Variants in SLK observed in about 807,000 individuals in gnomAD.
The protein encoded by SLK is STE20 like kinase.
In SLK, 67 loss-of-function variants were observed where a neutral mutation model predicts 147.7. The observed-to-expected ratio is 0.45, with a 90% CI of 0.37 to 0.56. The LOEUF (loss-of-function observed/expected upper bound fraction) is 0.56, where lower values mean the gene tolerates loss of function less well. SLK is among the 20% of genes least tolerant of loss of function. SLK has a pLI of 0.00. For missense variants in SLK, 1,136 were observed against 1,438.8 expected (o/e 0.79, Z 3.41); for synonymous variants, 441 against 475.0 (o/e 0.93, Z 0.93).
At position 104,018,305 on chromosome 10, in the gene SLK, T is replaced by C; in HGVS notation, c.3007+16T>C. 3.1e-6 allele frequency: 5 copies of C among 1,593,442 alleles called. No homozygotes were observed. Among genetic ancestry groups the C allele is most frequent in the Non-Finnish European group, 4.3e-6 (5 of 1,173,340 alleles). ...CTCATGAGAGGTAATTTTTTTAAAATTAAGAAATACTGCAAAATGTAGAAT... is the reference window on the plus strand; with the variant it reads ...CTCATGAGAGGTAATTTTTTTAAAACTAAGAAATACTGCAAAATGTAGAAT... On this transcript the variant is annotated intron_variant, in intron 14 of 18. Transcript: ENST00000369755.
At chr10:103,996,415 T>G (rs78551376) in intron 4 of SLK, among the ~76,000 whole-genome samples, 1 of 150,016 alleles carries the variant, frequency 6.7e-6, no homozygotes, top group Non-Finnish European at 1.5e-5. Context: ...TTTTTTTTTT[T>G]TGAGACGGAG....
intron 1 of SLK, among the ~76,000 whole-genome samples, chr10:103,976,267 C>T (rs1020438775): frequency 1.4e-4 from 21 of 152,042 alleles, no homozygotes; most frequent in African/African-American, 4.8e-4. Context: ...TTTTGGTGCA[C>T]ATGTGCCATT....
chr10:104,009,354 T>C (rs1844370270), intron 12 of SLK, among the ~76,000 whole-genome samples: 2 of 152,106 alleles, frequency 1.3e-5, no homozygotes, highest in Non-Finnish European at 2.9e-5. Context: ...AACATTTAAA[T>C]TGAGAAGAAA....
chr10:103,992,557 T>C (rs962009247), intron 2 of SLK, 41 bp from the exon 3 acceptor site: 18 of 1,541,540 alleles, frequency 1.2e-5, no homozygotes, highest in African/African-American at 1.1e-4. Context: ...AAACTCCATG[T>C]AGTTTTAGAC....
At chr10:104,011,855 C>T (rs192311640) in intron 13 of SLK, among the ~76,000 whole-genome samples, 24 of 152,292 alleles carry the variant, frequency 1.6e-4, no homozygotes, top group East Asian at 9.7e-4. Context: ...CCACCACCAC[C>T]GGCTTGGTGA....
intron 1 of SLK, among the ~76,000 whole-genome samples, chr10:103,976,746 C>T (rs541739333): frequency 6.6e-6 from 1 of 152,294 alleles, no homozygotes. Context: ...GCCTATTTTG[C>T]AGTCTGTCTC....
intron 7 of SLK, among the ~76,000 whole-genome samples, chr10:104,000,383 A>G (rs77610833): frequency 4.6e-5 from 7 of 152,350 alleles, no homozygotes; most frequent in East Asian, 3.9e-4. Context: ...AAAATTGTCA[A>G]TTTTATAGGT....
chr10:104,003,845 A>G (rs1844288532), intron 9 of SLK, among the ~76,000 whole-genome samples: 1 of 152,178 alleles, frequency 6.6e-6, no homozygotes, highest in Non-Finnish European at 1.5e-5. Flanking sequence ...GTATGAGAGA[A>G]TTAGAAATTG....
chr10:104,016,857 T>C (rs1844471823), intron 13 of SLK, among the ~76,000 whole-genome samples: 1 of 151,984 alleles, frequency 6.6e-6, no homozygotes, highest in South Asian at 2.1e-4. Context: ...GCATCTTAGG[T>C]TTTGATGTTC....
intron 1 of SLK, among the ~76,000 whole-genome samples, chr10:103,984,041 G>A (rs1019756483): frequency 5.3e-5 from 8 of 152,164 alleles, no homozygotes; most frequent in African/African-American, 1.9e-4. Context: ...TTTTCAGTTG[G>A]CAACAGAGTT....
intron 1 of SLK, among the ~76,000 whole-genome samples, chr10:103,980,205 G>T (rs923393549): frequency 6.6e-6 from 1 of 151,648 alleles, no homozygotes; most frequent in Non-Finnish European, 1.5e-5. Context: ...AAATTTTTAG[G>T]AGAATTGTTA....
intron 4 of SLK, among the ~76,000 whole-genome samples, chr10:103,997,289 A>G (rs916064990): frequency 6.6e-6 from 1 of 152,194 alleles, no homozygotes; most frequent in Non-Finnish European, 1.5e-5. Flanking sequence ...ATGCCATTGT[A>G]TGTATATAAC....
intron 4 of SLK, among the ~76,000 whole-genome samples, chr10:103,994,192 T>C (rs1844136197): frequency 6.6e-6 from 1 of 152,144 alleles, no homozygotes; most frequent in Admixed American, 6.5e-5. Flanking sequence ...TGTGAAAAAT[T>C]ACAGATATAG....
In SLK at chr10:104,008,365, A is replaced by G. The variant is rs1466412654; in HGVS notation, c.2784+9A>G. On this transcript the variant is annotated intron_variant, in intron 12 of 18. Coordinates refer to ENST00000369755, the MANE Select transcript of SLK (RefSeq NM_014720.4). ...AGAACCGAAAGAAGGAGGTAAGTGT[A>G]AACTACTGTTTTTAATTACTAAAGC... 6.3e-7 allele frequency: 1 copy of G among 1,582,068 alleles called. No homozygotes were observed. The highest frequency in any genetic ancestry group is 8.6e-7 in the Non-Finnish European group (1 of 1,166,136).
At chr10:104,009,708 G>A (rs1844374640) in intron 12 of SLK, among the ~76,000 whole-genome samples, 1 of 151,994 alleles carries the variant, frequency 6.6e-6, no homozygotes, top group Non-Finnish European at 1.5e-5. Context: ...TATTGTTTTT[G>A]TTTGGGGGTA....
intron 1 of SLK, among the ~76,000 whole-genome samples, chr10:103,986,254 A>G (rs1344335788): frequency 6.6e-6 from 1 of 152,156 alleles, no homozygotes; most frequent in African/African-American, 2.4e-5. Context: ...TAATTACACA[A>G]CTCACCATAA....
At chr10:104,015,803 A>G (rs1033706700) in intron 13 of SLK, among the ~76,000 whole-genome samples, 6 of 152,070 alleles carry the variant, frequency 3.9e-5, no homozygotes, top group Middle Eastern at 3.2e-3. Flanking sequence ...TTATTTTCCC[A>G]TAAGTATTTA....
Position 104,020,202 on chromosome 10 carries a change from C to T in SLK, c.3321+280C>T, listed in dbSNP as rs112757829. On this transcript the variant is annotated intron_variant, in intron 16 of 18. Coordinates refer to ENST00000369755, the MANE Select transcript of SLK (RefSeq NM_014720.4). ...AGCCCTGGGAATGAGATGACTCGGA[C>T]AACTTTTCAAGTCAAGATATATGGC... Among the ~76,000 whole-genome samples, 128 of 152,316 alleles carry T rather than the reference C, an allele frequency of 8.4e-4. 1 individual carries two copies. Among genetic ancestry groups the T allele is most frequent in the African/African-American group, 2.9e-3 (122 of 41,568 alleles).
At chr10:103,994,197 A>T (rs1473717241) in intron 4 of SLK, among the ~76,000 whole-genome samples, 1 of 152,166 alleles carries the variant, frequency 6.6e-6, no homozygotes, top group African/African-American at 2.4e-5. Flanking sequence ...AAAATTACAG[A>T]TATAGAAAAC....
Sources: allele counts gnomAD v4.1 joint callset (sites outside exome capture counted in the v4.1 genomes callset), GRCh38; gene constraint gnomAD v4.1.1; transcripts MANE v1.5; gene names NCBI Gene and HGNC (gene_info 2026-07-23, HGNC 2026-07-21).